The following REDIC1 variants were observed in gnomAD, a reference collection of about 807,000 sequenced individuals.
REDIC1 encodes the protein regulator of DNA class I crossover intermediates 1, also known as HEI10 Interacting Protein 1.
the REDIC1 span, chr12:39,626,246 C>A: frequency 2.0e-6 from 3 of 1,476,648 alleles, no homozygotes; most frequent in Non-Finnish European, 2.8e-6. Flanking sequence ...TCAGGAGGCC[C>A]TGGGGGATCC....
the REDIC1 span, among the ~76,000 whole-genome samples, chr12:39,678,829 C>T: frequency 6.6e-6 from 1 of 151,680 alleles, no homozygotes; most frequent in Non-Finnish European, 1.5e-5. Context: ...ACTACATAAA[C>T]AGAATTAAGA....
chr12:39,671,610 A>G, the REDIC1 span, among the ~76,000 whole-genome samples: 1 of 152,036 alleles, frequency 6.6e-6, no homozygotes, highest in Non-Finnish European at 1.5e-5. Flanking sequence ...GATGATAGTC[A>G]TGGTGGTGGG....
At chr12:39,704,854 T>A in the REDIC1 span, among the ~76,000 whole-genome samples, 1 of 151,770 alleles carries the variant, frequency 6.6e-6, no homozygotes, top group Admixed American at 6.6e-5. Flanking sequence ...TTCTCACTCA[T>A]AGGTGGGAAT....
At chr12:39,679,681 C>T in the REDIC1 span, among the ~76,000 whole-genome samples, 2 of 152,010 alleles carry the variant, frequency 1.3e-5, no homozygotes, top group African/African-American at 4.8e-5. Context: ...CCCACAGAGC[C>T]AAAGGAAGAC....
chr12:39,701,166 A>G, the REDIC1 span, among the ~76,000 whole-genome samples: 2 of 152,186 alleles, frequency 1.3e-5, no homozygotes, highest in Non-Finnish European at 1.5e-5. Flanking sequence ...GTCAAGACCC[A>G]TCAGTGTGCT....
At chr12:39,740,755 TAGA>T in the REDIC1 span, among the ~76,000 whole-genome samples, 1 of 152,202 alleles carries the variant, frequency 6.6e-6, no homozygotes, top group Non-Finnish European at 1.5e-5. Context: ...TTTGTATTTT[TAGA>T]AGATTATTTT....
At chr12:39,683,481 C>T in the REDIC1 span, 1 of 1,585,912 alleles carries the variant, frequency 6.3e-7, no homozygotes, top group African/African-American at 1.4e-5. Context: ...CCAGCAAACT[C>T]TATGTAAGTT....
the REDIC1 span, among the ~76,000 whole-genome samples, chr12:39,653,530 CTTCTTCTTT>C: frequency 7.6e-4 from 47 of 61,740 alleles, 2 homozygotes; most frequent in African/African-American, 2.3e-3. Flanking sequence ...TCTTCTTCTT[CTTCTTCTTT>C]TTCTTCTTCT....
chr12:39,774,258 G>A, the REDIC1 span, among the ~76,000 whole-genome samples: 9 of 152,098 alleles, frequency 5.9e-5, no homozygotes, highest in Non-Finnish European at 1.2e-4. Context: ...CCCAACCAGA[G>A]ATTTAGGATG....
chr12:39,776,171 A>G, the REDIC1 span, among the ~76,000 whole-genome samples: 54 of 152,308 alleles, frequency 3.5e-4, no homozygotes, highest in East Asian at 2.7e-3. Context: ...CTCCTGCTTC[A>G]ACTGGCACTG....
At chr12:39,864,103 A>G in the REDIC1 span, among the ~76,000 whole-genome samples, 4 of 152,222 alleles carry the variant, frequency 2.6e-5, no homozygotes, top group Non-Finnish European at 5.9e-5. Context: ...GATGTGTCCA[A>G]TCACTCAAAG....
the REDIC1 span, among the ~76,000 whole-genome samples, chr12:39,746,997 A>C: frequency 1.3e-5 from 2 of 152,246 alleles, no homozygotes; most frequent in South Asian, 4.1e-4. Context: ...AGAAAAGCTG[A>C]AAATTCTAAA....
the REDIC1 span, among the ~76,000 whole-genome samples, chr12:39,698,181 C>T: frequency 6.6e-6 from 1 of 152,056 alleles, no homozygotes; most frequent in African/African-American, 2.4e-5. Flanking sequence ...CTGATGCAAC[C>T]TAATGAAACT....
At chr12:39,866,258 T>C in the REDIC1 span, among the ~76,000 whole-genome samples, 3 of 152,300 alleles carry the variant, frequency 2.0e-5, no homozygotes, top group South Asian at 2.1e-4. Context: ...GATGTTTTTG[T>C]TTAAGACATA....
the REDIC1 span, among the ~76,000 whole-genome samples, chr12:39,679,081 A>G: frequency 6.6e-6 from 1 of 152,116 alleles, no homozygotes; most frequent in African/African-American, 2.4e-5. Context: ...TCAACATAGT[A>G]CTGGAAGTCC....
At chr12:39,714,599 C>T in the REDIC1 span, among the ~76,000 whole-genome samples, 2 of 151,824 alleles carry the variant, frequency 1.3e-5, no homozygotes, top group African/African-American at 2.4e-5. Context: ...ACTGCTGGAC[C>T]AAATGGTAGT....
At chr12:39,750,850 G>C in the REDIC1 span, among the ~76,000 whole-genome samples, 1 of 152,198 alleles carries the variant, frequency 6.6e-6, no homozygotes, top group South Asian at 2.1e-4. Context: ...GGGAAAACTG[G>C]CTAGCCATAT....
At chr12:39,675,898 G>A in the REDIC1 span, among the ~76,000 whole-genome samples, 18 of 152,142 alleles carry the variant, frequency 1.2e-4, no homozygotes, top group Non-Finnish European at 2.1e-4. Flanking sequence ...AGGGGAACAG[G>A]GAGAGCACCA....
At chr12:39,705,193 C>A in the REDIC1 span, among the ~76,000 whole-genome samples, 1 of 151,674 alleles carries the variant, frequency 6.6e-6, no homozygotes, top group Non-Finnish European at 1.5e-5. Flanking sequence ...GACTACATGC[C>A]AATAAGTTGG....
Sources: gnomAD v4.1 joint callset for allele counts (sites outside exome capture counted in the v4.1 genomes callset) on GRCh38, gnomAD v4.1.1 for gene constraint, MANE v1.5 for transcripts, NCBI Gene and HGNC (gene_info 2026-07-23, HGNC 2026-07-21) for gene names.